Variants in TIPRL observed in about 807,000 individuals in gnomAD.
TIPRL encodes TOR signaling pathway regulator.
In TIPRL, 10 loss-of-function variants were observed where a neutral mutation model predicts 32.3. That is an observed-to-expected ratio of 0.31 (90% CI 0.19 to 0.52). The LOEUF (loss-of-function observed/expected upper bound fraction) is 0.52. Ranked by LOEUF, TIPRL falls within the 20% of genes least tolerant of loss-of-function variation. The probability of loss-of-function intolerance (pLI) is 0.96; values close to 1 mark genes in which losing one functional copy is unlikely to be tolerated. For missense variants in TIPRL, 250 were observed against 328.1 expected (o/e 0.76, Z 1.84); for synonymous variants, 100 against 114.0 (o/e 0.88, Z 0.78).
chr1:168,191,422 G>T lies in TIPRL; in HGVS notation c.438G>T (p.Gln146His). 1 of 1,531,926 alleles carries T rather than the reference G, an allele frequency of 6.5e-7. No individual in the cohort carries two copies. Among genetic ancestry groups the T allele is most frequent in the Non-Finnish European group, 8.7e-7 (1 of 1,150,056 alleles). The allele number at this position is 1,531,926 out of a possible 1,614,324, so 94.9% of individuals were successfully genotyped here. A position where few individuals can be genotyped will look rare whatever the true frequency, so the allele number is the denominator to read the frequency against. The change falls in exon 4 of 7, where the codon CAG becomes CAT. Residue 146 changes from glutamine to histidine, a missense_variant. Coordinates refer to ENST00000367833, the MANE Select transcript of TIPRL (RefSeq NM_152902.5). ...IDTEKLKARE[Q>H]IKFFEEVLLF... ...CAGAAAAATTGAAAGCCAGAGAACA[G>T]ATTAAGTTTTTTGAAGAAGTTCTCC...
At chr1:168,186,105 A>G (rs866235264) in intron 3 of TIPRL, among the ~76,000 whole-genome samples, 9 of 139,378 alleles carry the variant, frequency 6.5e-5, no homozygotes, top group Middle Eastern at 3.8e-3. Context: ...AAAAAAAAAG[A>G]GAGAGATTCA....
At chr1:168,198,837 TGTAGGCA>T in intron 5 of TIPRL, 75 bp from the exon 6 acceptor site, 2 of 1,226,924 alleles carry the variant, frequency 1.6e-6, no homozygotes, top group Non-Finnish European at 2.3e-6. Flanking sequence ...TATCCTAAAA[TGTAGGCA>T]GTCTGTTTTT....
At chr1:168,186,461 A>G (rs1700029284) in intron 3 of TIPRL, among the ~76,000 whole-genome samples, 2 of 152,028 alleles carry the variant, frequency 1.3e-5, no homozygotes, top group African/African-American at 4.8e-5. Context: ...ACGCCACTGC[A>G]CTCTAGCCTG....
intron 1 of TIPRL, among the ~76,000 whole-genome samples, chr1:168,181,424 T>A (rs1470099934): frequency 1.3e-5 from 2 of 151,588 alleles, no homozygotes; most frequent in Non-Finnish European, 2.9e-5. Context: ...TTGGTCAGGC[T>A]GGTCTTGAGC....
intron 5 of TIPRL, 27 bp from the exon 6 acceptor site, chr1:168,198,892 A>G (rs762212972): frequency 4.4e-6 from 7 of 1,585,898 alleles, no homozygotes; most frequent in Non-Finnish European, 8.6e-7. Context: ...AATTAAATTT[A>G]TTGCAACTGT....
In TIPRL at chr1:168,199,068, A is replaced by T. The variant is rs1700184530; in HGVS notation, c.675+87A>T. 2.4e-5 allele frequency: 23 copies of T among 972,292 alleles called. No individual in the cohort carries two copies. The South Asian group carries it at 3.0e-4, about 13-fold the overall frequency. 60.2% of individuals were successfully genotyped at this position (972,292 alleles called of 1,614,324 possible). A position where few individuals can be genotyped will look rare whatever the true frequency, so the allele number is the denominator to read the frequency against. On this transcript the variant is annotated intron_variant, in intron 6 of 6. Coordinates refer to ENST00000367833, the MANE Select transcript of TIPRL (RefSeq NM_152902.5). ...CATATACCCCTGACCCCAACCACCCAAGTTTACATCCCTAAACCCATTCAT... is the reference window on the plus strand; with the variant it reads ...CATATACCCCTGACCCCAACCACCCTAGTTTACATCCCTAAACCCATTCAT...
chr1:168,198,619 A>G (rs1700181600), intron 5 of TIPRL, among the ~76,000 whole-genome samples: 1 of 152,212 alleles, frequency 6.6e-6, no homozygotes, highest in Non-Finnish European at 1.5e-5. Flanking sequence ...CAAATTCATT[A>G]TATACATTAT....
chr1:168,196,457 G>A (rs1700153712), intron 4 of TIPRL, 90 bp from the exon 5 acceptor site: 2 of 879,836 alleles, frequency 2.3e-6, no homozygotes, highest in Non-Finnish European at 1.6e-6. Context: ...GGGTTTTTTT[G>A]TTTTTTGTTT....
Position 168,192,301 on chromosome 1 carries a change from G to T in TIPRL, c.516+801G>T, listed in dbSNP as rs190220186. 6.8e-6 allele frequency: 7 copies of T among 1,035,220 alleles called. No homozygotes were observed. In the Admixed American group the frequency reaches 2.7e-4, roughly 39 times the overall value. 64.1% of individuals were successfully genotyped at this position (1,035,220 alleles called of 1,614,324 possible). A position where few individuals can be genotyped will look rare whatever the true frequency, so the allele number is the denominator to read the frequency against. On this transcript the variant is annotated intron_variant, in intron 4 of 6. Coordinates refer to ENST00000367833, the MANE Select transcript of TIPRL (RefSeq NM_152902.5). ...GCGGAGCTTGCAGTGAGCTGAGATC[G>T]CACCACTGCACTCCAGCCCTCCAGC...
intron 4 of TIPRL, among the ~76,000 whole-genome samples, chr1:168,194,809 G>A (rs1289997235): frequency 6.6e-6 from 1 of 152,154 alleles, no homozygotes; most frequent in East Asian, 1.9e-4. Context: ...CCTGCTGTGT[G>A]CTAGGTACTT....
At chr1:168,188,983 GAAA>G (rs11445431) in intron 3 of TIPRL, among the ~76,000 whole-genome samples, 3 of 145,176 alleles carry the variant, frequency 2.1e-5, no homozygotes, top group African/African-American at 7.6e-5. Context: ...TCTGTCTCAA[GAAA>G]AAAAAAAAAA....
At chr1:168,181,182 A>ATTTTC (rs1022059384) in intron 1 of TIPRL, among the ~76,000 whole-genome samples, 1 of 147,572 alleles carries the variant, frequency 6.8e-6, no homozygotes, top group East Asian at 2.0e-4. Flanking sequence ...TTTATTTTTA[A>ATTTTC]TTTTCTTTTC....
In TIPRL at chr1:168,200,108, G is replaced by T; in HGVS notation, c.*62G>T. 6.5e-7 allele frequency: 1 copy of T among 1,528,004 alleles called. No individual in the cohort carries two copies. Among genetic ancestry groups the T allele is most frequent in the African/African-American group, 1.4e-5 (1 of 71,750 alleles). The allele number at this position is 1,528,004 out of a possible 1,614,324, so 94.7% of individuals were successfully genotyped here. On this transcript the variant is annotated 3_prime_UTR_variant, in exon 7 of 7. Coordinates refer to ENST00000367833, the MANE Select transcript of TIPRL (RefSeq NM_152902.5). ...TGGACACCTTGGCTATTTGTAAGGGGTTATTTTTATTATGAGAATTAATTG... is the reference window on the plus strand; with the variant it reads ...TGGACACCTTGGCTATTTGTAAGGGTTTATTTTTATTATGAGAATTAATTG...
At chr1:168,193,142 G>A (rs991160130) in intron 4 of TIPRL, among the ~76,000 whole-genome samples, 2 of 151,700 alleles carry the variant, frequency 1.3e-5, no homozygotes, top group African/African-American at 4.8e-5. Context: ...GAGCTATGAT[G>A]GTGCCACTGC....
Position 168,183,944 on chromosome 1 carries a change from G to A in TIPRL, c.147G>A (p.Met49Ile). Residue 49 changes from methionine to isoleucine, a missense_variant, in exon 2 of 7, where the codon ATG becomes ATA. Physicochemically the swap from Met to Ile is conservative, Grantham distance 10 (BLOSUM62 1). Coordinates refer to ENST00000367833, the MANE Select transcript of TIPRL (RefSeq NM_152902.5). ...ELHMPSLPEM[M>I]FGDNVLRIQH... ...ATATGCCATCTCTCCCTGAAATGAT[G>A]TTTGGAGACAACGTTTTAAGAATCC... 6.2e-7 allele frequency: 1 copy of A among 1,614,064 alleles called. No homozygotes were observed. The highest frequency in any genetic ancestry group is 8.5e-7 in the Non-Finnish European group (1 of 1,179,964).
At chr1:168,192,143 AT>A (rs1700106783) in intron 4 of TIPRL, 4 of 1,375,998 alleles carry the variant, frequency 2.9e-6, no homozygotes, top group Non-Finnish European at 1.9e-6. Context: ...GGTGGATGTC[AT>A]TTTTTAAAAT....
chr1:168,198,712 G>A (rs1558166576), intron 5 of TIPRL, among the ~76,000 whole-genome samples: 2 of 151,922 alleles, frequency 1.3e-5, no homozygotes, highest in South Asian at 2.1e-4. Flanking sequence ...TTACATATGT[G>A]TATCATCATT....
chr1:168,199,933 A>G lies in TIPRL; in HGVS notation c.706A>G (p.Asn236Asp). 1 of 1,613,448 alleles carries G rather than the reference A, an allele frequency of 6.2e-7. No homozygotes were observed. The highest frequency in any genetic ancestry group is 8.5e-7 in the Non-Finnish European group (1 of 1,179,634). ...TCCACCTTCCCTCTTCACGGAACCTAATGAAATATCCCAGTATTTACCAAT... is the reference window on the plus strand; with the variant it reads ...TCCACCTTCCCTCTTCACGGAACCTGATGAAATATCCCAGTATTTACCAAT... Reference protein sequence around the residue: ...HVPPSLFTEPNEISQYLPIKE... With the variant: ...HVPPSLFTEPDEISQYLPIKE... The change falls in exon 7 of 7, where the codon AAT becomes GAT. Residue 236 changes from asparagine (N) to aspartate (D), a missense_variant. Asn to Asp is a conservative substitution (Grantham distance 23). Transcript: ENST00000367833.
At chr1:168,188,272 A>T (rs1473997219) in intron 3 of TIPRL, among the ~76,000 whole-genome samples, 2 of 152,052 alleles carry the variant, frequency 1.3e-5, no homozygotes, top group African/African-American at 4.8e-5. Flanking sequence ...GTTTTCCTTC[A>T]GAGAGGATTT....
Sources: allele counts gnomAD v4.1 joint callset (sites outside exome capture counted in the v4.1 genomes callset), GRCh38; gene constraint gnomAD v4.1.1; transcripts MANE v1.5; gene names NCBI Gene and HGNC (gene_info 2026-07-23, HGNC 2026-07-21).